The following ENTPD1 variants were observed in gnomAD, a reference collection of about 807,000 sequenced individuals.
ENTPD1 encodes ATP diphosphohydrolase.
A neutral mutation model predicts 57.0 loss-of-function variants in ENTPD1; 33 were observed. The ratio of observed to expected loss-of-function variants is 0.58; its 90% CI spans 0.44 to 0.77. The LOEUF is 0.77. Among genes scored for constraint, ENTPD1 ranks in the 30% least tolerant of loss-of-function variants. The pLI is 0.00. For synonymous variants in ENTPD1, 202 were observed against 218.8 expected, an observed-to-expected ratio of 0.92 and a Z score of 0.68; for missense variants, 501 against 603.4, an observed-to-expected ratio of 0.83 and a Z score of 1.78.
intron 1 of ENTPD1, among the ~76,000 whole-genome samples, chr10:95,772,774 G>C (rs902104522): frequency 1.3e-5 from 2 of 152,130 alleles, no homozygotes; most frequent in African/African-American, 4.8e-5. Flanking sequence ...TGTCCAGAAG[G>C]CTTTCAATTT....
chr10:95,756,137 T>A, upstream of ENTPD1: 1 of 1,551,524 alleles, frequency 6.4e-7, no homozygotes, highest in African/African-American at 1.4e-5. Context: ...GTCTGTTATA[T>A]CTCTGTTTCC....
At chr10:95,862,546 G>C (rs188793760) in intron 8 of ENTPD1, among the ~76,000 whole-genome samples, 3 of 152,290 alleles carry the variant, frequency 2.0e-5, no homozygotes, top group Admixed American at 1.3e-4. Flanking sequence ...TTTGGCAAGG[G>C]AAATAAAATG....
Position 95,835,317 on chromosome 10 carries a change from C to T in ENTPD1, c.145-4374C>T, listed in dbSNP as rs545490412. On this transcript the variant is annotated intron_variant, in intron 2 of 9. Coordinates refer to ENST00000371205, the MANE Select transcript of ENTPD1 (RefSeq NM_001776.6). ...AGTATTCCATGGTGCATATGTACCA[C>T]ATTTTCTTTATACAATTCATCATTG... is the stretch of plus-strand genomic sequence containing the variant. Among the ~76,000 whole-genome samples, 477 of 152,298 alleles carry T rather than the reference C, an allele frequency of 3.1e-3. 2 individuals carry two copies. The highest frequency in any genetic ancestry group is 4.8e-3 in the Non-Finnish European group (329 of 68,036).
intron 1 of ENTPD1, among the ~76,000 whole-genome samples, chr10:95,727,076 A>G (rs1411566286): frequency 6.6e-6 from 1 of 152,102 alleles, no homozygotes; most frequent in Non-Finnish European, 1.5e-5. Flanking sequence ...ATGAAATGCC[A>G]ATTTGTCCCG....
chr10:95,737,984 C>T (rs2097996479), intron 1 of ENTPD1, among the ~76,000 whole-genome samples: 1 of 152,158 alleles, frequency 6.6e-6, no homozygotes, highest in African/African-American at 2.4e-5. Flanking sequence ...AGCACCACCA[C>T]TCTGTAAGAG....
chr10:95,841,271 C>T (rs935777144), intron 3 of ENTPD1, among the ~76,000 whole-genome samples: 5 of 152,058 alleles, frequency 3.3e-5, no homozygotes, highest in Non-Finnish European at 7.4e-5. Flanking sequence ...CCTGTAGTCC[C>T]AGCTACTAGG....
chr10:95,707,394 G>A (rs2097962974), upstream of ENTPD1, among the ~76,000 whole-genome samples: 1 of 152,180 alleles, frequency 6.6e-6, no homozygotes, highest in South Asian at 2.1e-4. Context: ...AATTCAGAAA[G>A]GGCAGGCCTC....
rs1328183691 is a variant in ENTPD1 at position 95,869,448 on chromosome 10, C to T, written c.*3065C>T. On this transcript the variant is annotated 3_prime_UTR_variant, in exon 10 of 10. Coordinates refer to ENST00000371205, the MANE Select transcript of ENTPD1 (RefSeq NM_001776.6). ...TATTTTTAGTAAAGACAGGGTTTCA[C>T]CATGTTGGCCAGGCTGGTCTCCAAC... The T allele has an allele frequency of 4.0e-6, 3 of 746,718 alleles. No homozygotes were observed. The African/African-American group carries it at 5.7e-5, about 14-fold the overall frequency. The allele number at this position is 746,718 out of a possible 1,614,324, so 46.3% of individuals were successfully genotyped here. A position where few individuals can be genotyped will look rare whatever the true frequency, so the allele number is the denominator to read the frequency against.
chr10:95,700,568 G>C, the ENTPD1 span, among the ~76,000 whole-genome samples: 1 of 151,996 alleles, frequency 6.6e-6, no homozygotes. Context: ...CGTGCCTATA[G>C]TCCTAGCTGC....
At chr10:95,834,832 T>A (rs2098405634) in intron 2 of ENTPD1, among the ~76,000 whole-genome samples, 1 of 152,026 alleles carries the variant, frequency 6.6e-6, no homozygotes, top group African/African-American at 2.4e-5. Context: ...GACCAGCACT[T>A]CTATCCATGC....
intron 1 of ENTPD1, among the ~76,000 whole-genome samples, chr10:95,739,501 T>TC (rs1234552689): frequency 6.6e-6 from 1 of 152,238 alleles, no homozygotes; most frequent in Non-Finnish European, 1.5e-5. Context: ...TCTTTGCTTA[T>TC]CCATAAGAAG....
chr10:95,773,157 A>G (rs373206006), intron 1 of ENTPD1, among the ~76,000 whole-genome samples: 1 of 151,986 alleles, frequency 6.6e-6, no homozygotes, highest in Non-Finnish European at 1.5e-5. Flanking sequence ...ACCCCCAAAG[A>G]AGGTCATTGA....
At chr10:95,750,864 A>T (rs533808060), upstream of ENTPD1, among the ~76,000 whole-genome samples, 1 of 152,236 alleles carries the variant, frequency 6.6e-6, no homozygotes, top group African/African-American at 2.4e-5. Context: ...CTCCACTAAA[A>T]ATACAAAAAT....
chr10:95,842,694 TAA>T, intron 4 of ENTPD1, among the ~76,000 whole-genome samples, 200 bp downstream of exon 4: 1 of 149,128 alleles, frequency 6.7e-6, no homozygotes, highest in East Asian at 2.0e-4. Context: ...TTATGTATGT[TAA>T]AAAAAAAAGC....
upstream of ENTPD1, chr10:95,755,563 G>A (rs2098020116): frequency 1.4e-6 from 1 of 728,196 alleles, no homozygotes; most frequent in Admixed American, 2.8e-5. Flanking sequence ...GCCAGGCAGC[G>A]GTTCCCATTG....
At position 95,868,061 on chromosome 10, in the gene ENTPD1, C is replaced by T. The variant is rs553146516; in HGVS notation, c.*1678C>T. On this transcript the variant is annotated 3_prime_UTR_variant, in exon 10 of 10. Transcript: ENST00000371205. ...TTGGTTGAGCATTTGTGGTGTACCA[C>T]GCTGTGTGCTCAAGGGTATTACATT... 58 of 984,756 alleles carry T rather than the reference C, an allele frequency of 5.9e-5. No homozygotes were observed. Among genetic ancestry groups the T allele is most frequent in the Middle Eastern group, 1.0e-3 (2 of 1,914 alleles). 61.0% of individuals were successfully genotyped at this position (984,756 alleles called of 1,614,324 possible).
intron 1 of ENTPD1, among the ~76,000 whole-genome samples, chr10:95,737,004 C>G (rs892918868): frequency 2.0e-5 from 3 of 152,210 alleles, no homozygotes; most frequent in African/African-American, 7.2e-5. Context: ...AGAGCCTCCA[C>G]TTGAGTCTAC....
rs997156361 is a variant in ENTPD1, at chr10:95,778,503, T to C, written c.16+22248T>C. Among the ~76,000 whole-genome samples, 3 of 152,148 alleles carry C rather than the reference T, an allele frequency of 2.0e-5. No individual in the cohort carries two copies. The East Asian group carries it at 5.8e-4, about 29-fold the overall frequency. On this transcript the variant is annotated intron_variant, in intron 1 of 9. Transcript: ENST00000371205. ...AAGATTTTTTTCTTAATATCCAGTGTTGTTGAAAATGTGGGGAAACTAATA... is the reference window on the plus strand; with the variant it reads ...AAGATTTTTTTCTTAATATCCAGTGCTGTTGAAAATGTGGGGAAACTAATA...
intron 7 of ENTPD1, among the ~76,000 whole-genome samples, chr10:95,854,781 C>T (rs1177544456): frequency 6.6e-6 from 1 of 152,174 alleles, no homozygotes; most frequent in Admixed American, 6.5e-5. Flanking sequence ...AGTTTGATTG[C>T]ACTGTGGTCT....
Sources: gnomAD v4.1 joint callset for allele counts (sites outside exome capture counted in the v4.1 genomes callset) on GRCh38, gnomAD v4.1.1 for gene constraint, MANE v1.5 for transcripts, NCBI Gene and HGNC (gene_info 2026-07-23, HGNC 2026-07-21) for gene names.